The following SYT13 variants were observed in gnomAD, a reference collection of about 807,000 sequenced individuals.
SYT13 encodes the protein synaptotagmin 13.
In SYT13, 21 loss-of-function variants were observed where a neutral mutation model predicts 38.6. That is an observed-to-expected ratio of 0.54 (90% CI 0.39 to 0.78). SYT13 has a LOEUF of 0.78. Ranked by LOEUF, SYT13 falls within the 30% of genes least tolerant of loss-of-function variation. The pLI, the probability that SYT13 is intolerant of heterozygous loss-of-function variation, is 0.00. For synonymous variants in SYT13, 241 were observed against 237.6 expected (o/e 1.01, Z -0.13); for missense variants, 495 against 548.7 (o/e 0.90, Z 0.98).
chr11:45,268,913 G>A (rs1227471792), intron 1 of SYT13, among the ~76,000 whole-genome samples: 1 of 152,212 alleles, frequency 6.6e-6, no homozygotes, highest in Non-Finnish European at 1.5e-5. Flanking sequence ...AACACTGATT[G>A]CTACCCCGAC....
intron 1 of SYT13, among the ~76,000 whole-genome samples, chr11:45,281,205 A>AG (rs1188740281): frequency 1.3e-5 from 2 of 151,918 alleles, no homozygotes; most frequent in African/African-American, 4.8e-5. Context: ...CAAAAAAAAA[A>AG]AGAAAGAAAG....
intron 1 of SYT13, among the ~76,000 whole-genome samples, chr11:45,270,792 C>T (rs1565392402): frequency 6.6e-6 from 1 of 152,142 alleles, no homozygotes; most frequent in African/African-American, 2.4e-5. Flanking sequence ...TTGAAAAGCA[C>T]ATCAATCTCT....
rs570447112 is a variant in SYT13 at position 45,269,263 on chromosome 11, G to A, written c.184-13372C>T. On this transcript the variant is annotated intron_variant, in intron 1 of 5. Coordinates refer to ENST00000020926, the MANE Select transcript of SYT13 (RefSeq NM_020826.3). ...GCTAAAACCCAATGAGAGGAGGAGG[G>A]TGAATGTTGCTGCAATCCCAACATT... 6.2e-5 allele frequency: 21 copies of A among 336,172 alleles called. 1 individual carries two copies. Among genetic ancestry groups the A allele is most frequent in the South Asian group, 5.6e-4 (21 of 37,592 alleles). The allele number at this position is 336,172 out of a possible 1,614,324, so 20.8% of individuals were successfully genotyped here.
chr11:45,267,850 C>T (rs776355895), intron 1 of SYT13, among the ~76,000 whole-genome samples: 3 of 152,168 alleles, frequency 2.0e-5, no homozygotes, highest in Non-Finnish European at 2.9e-5. Context: ...CCAGTCCAGG[C>T]GGCGCAGTGT....
intron 1 of SYT13, among the ~76,000 whole-genome samples, chr11:45,263,912 T>G (rs143624861): frequency 6.6e-6 from 1 of 152,290 alleles, no homozygotes; most frequent in Non-Finnish European, 1.5e-5. Context: ...GGGGTTGGAT[T>G]GAGGCTTAGA....
chr11:45,273,957 G>A (rs911399732), intron 1 of SYT13, among the ~76,000 whole-genome samples: 2 of 152,178 alleles, frequency 1.3e-5, no homozygotes, highest in Admixed American at 6.5e-5. Flanking sequence ...GCTTTCATAC[G>A]TGTCATCTCA....
rs992277624 is a variant in SYT13, at chr11:45,282,569, G to T, written c.183+3456C>A. 2.6e-5 allele frequency among the ~76,000 whole-genome samples: 4 copies of T among 152,342 alleles called. No homozygotes were observed. In the South Asian group the frequency reaches 6.2e-4, roughly 24 times the overall value. On this transcript the variant is annotated intron_variant, in intron 1 of 5. Transcript: ENST00000020926. The stretch of plus-strand genomic sequence containing the variant: ...CATTAAATAACAGAGTCTAGCAGGA[G>T]ATTTAATAAGTACCATAATTTAGAA...
At chr11:45,273,417 G>A (rs945804323) in intron 1 of SYT13, among the ~76,000 whole-genome samples, 1 of 151,438 alleles carries the variant, frequency 6.6e-6, no homozygotes, top group African/African-American at 2.4e-5. Context: ...AGGCAGAGGA[G>A]TTGGTCAATG....
intron 4 of SYT13, 41 bp from the exon 5 acceptor site, chr11:45,246,553 G>C (rs1854616771): frequency 6.2e-7 from 1 of 1,605,676 alleles, no homozygotes; most frequent in Non-Finnish European, 8.5e-7. Context: ...GTCTCACCTG[G>C]GGACGCCTTC....
intron 1 of SYT13, among the ~76,000 whole-genome samples, chr11:45,262,649 C>T (rs1329830338): frequency 1.3e-5 from 2 of 150,644 alleles, no homozygotes; most frequent in Admixed American, 1.3e-4. Flanking sequence ...TCACTTGAAC[C>T]CGGGAGGTGA....
In SYT13 at chr11:45,244,062, A is replaced by G; in HGVS notation, c.1271T>C (p.Leu424Pro). 1 of 1,599,416 alleles carries G rather than the reference A, an allele frequency of 6.3e-7. No individual in the cohort carries two copies. The change falls in exon 6 of 6, where the codon CTG (leucine) becomes CCG (proline). Residue 424 changes from leucine to proline, a missense_variant. Leu to Pro is a moderately conservative substitution (Grantham distance 98). Coordinates refer to ENST00000020926, the MANE Select transcript of SYT13 (RefSeq NM_020826.3). ...CAGCTGGGCAGCTGGTTACAGGTGC[A>G]GCTGGTGCCACATGGCAATCTGCCG... ...PRRQIAMWHQ[L>P]HL
intron 1 of SYT13, among the ~76,000 whole-genome samples, chr11:45,260,225 C>A (rs1416489498): frequency 1.3e-5 from 2 of 152,194 alleles, no homozygotes; most frequent in African/African-American, 4.8e-5. Context: ...TGACTTACAG[C>A]CTTTGCCCAG....
chr11:45,244,445 C>A lies in SYT13; in HGVS notation c.977-89G>T. The A allele has an allele frequency of 2.1e-6, 3 of 1,456,166 alleles. No homozygotes were observed. In the South Asian group the frequency reaches 4.0e-5, roughly 19 times the overall value. 90.2% of individuals were successfully genotyped at this position (1,456,166 alleles called of 1,614,324 possible). ...GGCAGGGCCCAGGACAAAGCTCCCT[C>A]CTGGTGCTGGAAAGATGCTCAAGAG... On this transcript the variant is annotated intron_variant, in intron 5 of 5. Transcript: ENST00000020926.
intron 2 of SYT13, among the ~76,000 whole-genome samples, chr11:45,255,301 C>G (rs534238809): frequency 6.6e-6 from 1 of 152,262 alleles, no homozygotes; most frequent in African/African-American, 2.4e-5. Context: ...AACCGAGGTT[C>G]ATGGAGTTAC....
At chr11:45,268,169 C>T (rs1854907621) in intron 1 of SYT13, among the ~76,000 whole-genome samples, 1 of 152,192 alleles carries the variant, frequency 6.6e-6, no homozygotes, top group African/African-American at 2.4e-5. Context: ...GAATACCAGC[C>T]AGCCCTAACG....
At chr11:45,273,146 C>T (rs1195748202) in intron 1 of SYT13, among the ~76,000 whole-genome samples, 2 of 152,146 alleles carry the variant, frequency 1.3e-5, no homozygotes, top group Non-Finnish European at 2.9e-5. Context: ...AGGAAAGCAA[C>T]AAGGAATGGC....
intron 1 of SYT13, among the ~76,000 whole-genome samples, chr11:45,273,255 AG>A (rs1478119907): frequency 6.6e-6 from 1 of 152,204 alleles, no homozygotes; most frequent in Non-Finnish European, 1.5e-5. Context: ...AGGGTGCCGA[AG>A]GGAGACAGTG....
chr11:45,269,433 C>T, intron 1 of SYT13: 2 of 1,255,876 alleles, frequency 1.6e-6, no homozygotes, highest in Admixed American at 2.7e-5. Flanking sequence ...TGTAGGTGGC[C>T]CCTGCATTAT....
intron 1 of SYT13, among the ~76,000 whole-genome samples, chr11:45,262,017 C>G (rs1854823324): frequency 1.3e-5 from 2 of 152,136 alleles, no homozygotes. Flanking sequence ...GATATTTACA[C>G]CCATGTTCAT....
Sources: gnomAD v4.1 joint callset for allele counts (sites outside exome capture counted in the v4.1 genomes callset) on GRCh38, gnomAD v4.1.1 for gene constraint, MANE v1.5 for transcripts, NCBI Gene and HGNC (gene_info 2026-07-23, HGNC 2026-07-21) for gene names.